DDHD2: variants seen among roughly 807,000 people sequenced by gnomAD.
DDHD2 encodes triacylglycerol hydrolase DDHD2.
Under a neutral mutation model 91.2 loss-of-function variants are expected in DDHD2, and 62 were observed. The ratio of observed to expected loss-of-function variants is 0.68; its 90% CI spans 0.55 to 0.84. DDHD2 has a LOEUF of 0.84. Among genes scored for constraint, DDHD2 ranks in the 40% least tolerant of loss-of-function variants. The pLI is 0.00. For missense variants in DDHD2, 740 were observed against 846.9 expected (o/e 0.87, Z 1.57); for synonymous variants, 271 against 293.9 (o/e 0.92, Z 0.80).
At chr8:38,240,749 T>C (rs1805190153) in intron 6 of DDHD2, among the ~76,000 whole-genome samples, 1 of 152,206 alleles carries the variant, frequency 6.6e-6, no homozygotes, top group East Asian at 1.9e-4. Flanking sequence ...AATTGGAGGA[T>C]TTAAGTCATT....
rs772486178 is a variant in DDHD2 at position 38,253,540 on chromosome 8, G to T, written c.1892-16G>T. 17 of 1,605,296 alleles carry T rather than the reference G, an allele frequency of 1.1e-5. No individual in the cohort carries two copies. The highest frequency in any genetic ancestry group is 1.0e-5 in the Non-Finnish European group (12 of 1,177,298). On this transcript the variant is annotated splice_polypyrimidine_tract_variant and intron_variant, in intron 15 of 17. Coordinates refer to ENST00000397166, the MANE Select transcript of DDHD2 (RefSeq NM_015214.3). ...CAAAAGGTTTTAGATTCTTATTATG[G>T]TTCTTCCATATCCAGATGTTAACAC... is the stretch of plus-strand genomic sequence containing the variant.
At chr8:38,234,052 A>G (rs1329291363) in intron 2 of DDHD2, among the ~76,000 whole-genome samples, 1 of 152,164 alleles carries the variant, frequency 6.6e-6, no homozygotes, top group East Asian at 1.9e-4. Context: ...TTTATACTGA[A>G]TCATCATGAT....
Position 38,260,039 on chromosome 8 carries a change from G to A in DDHD2, c.2055-1G>A. 6.2e-7 allele frequency: 1 copy of A among 1,602,808 alleles called. No homozygotes were observed. Among genetic ancestry groups the A allele is most frequent in the Non-Finnish European group, 8.5e-7 (1 of 1,170,108 alleles). Reference sequence around the variant, plus strand: ...CTCAACATAATTTTTTCTCTTTATAGGGAGTCTGAAGATACAGTATTGCTC... The same window carrying A: ...CTCAACATAATTTTTTCTCTTTATAAGGAGTCTGAAGATACAGTATTGCTC... On this transcript the variant is annotated splice_acceptor_variant, in intron 16 of 17. Coordinates refer to ENST00000397166, the MANE Select transcript of DDHD2 (RefSeq NM_015214.3). LOFTEE classifies it high-confidence loss of function.
intron 10 of DDHD2, 66 bp downstream of exon 10, chr8:38,247,901 A>G (rs1805771381): frequency 7.9e-7 from 1 of 1,263,100 alleles, no homozygotes; most frequent in East Asian, 2.6e-5. Flanking sequence ...CGTGTTTACT[A>G]AGAGCCTACC....
intron 7 of DDHD2, 37 bp downstream of exon 7, chr8:38,242,422 GA>G: frequency 6.3e-7 from 1 of 1,593,850 alleles, no homozygotes; most frequent in South Asian, 1.2e-5. Flanking sequence ...TGTTAGCTGT[GA>G]TTATATTTTC....
downstream of DDHD2, chr8:38,273,495 T>C (rs1425685082): frequency 6.6e-6 from 1 of 152,300 alleles, no homozygotes; most frequent in Admixed American, 6.5e-5. Flanking sequence ...AGTCTTTAGA[T>C]AGTAAATAGC....
intron 11 of DDHD2, 154 bp downstream of exon 11, chr8:38,249,957 C>T (rs1032068654): frequency 2.2e-6 from 1 of 450,822 alleles, no homozygotes; most frequent in South Asian, 2.5e-5. Flanking sequence ...CGCTCTGTCA[C>T]TCAGGCTGGA....
chr8:38,242,027 T>A, intron 6 of DDHD2: 2 of 406,624 alleles, frequency 4.9e-6, no homozygotes, highest in Non-Finnish European at 8.7e-6. Flanking sequence ...GCACCCCAGC[T>A]TGGGTTACAG....
intron 16 of DDHD2, among the ~76,000 whole-genome samples, chr8:38,258,914 T>C (rs1360303998): frequency 6.6e-6 from 1 of 152,204 alleles, no homozygotes; most frequent in Non-Finnish European, 1.5e-5. Context: ...AAATCAAATT[T>C]TGTTATGAAG....
intron 5 of DDHD2, chr8:38,238,768 A>C: frequency 1.3e-6 from 1 of 786,864 alleles, no homozygotes; most frequent in Non-Finnish European, 1.5e-6. Flanking sequence ...TACTAGATAA[A>C]AGTATTTTAT....
intron 16 of DDHD2, among the ~76,000 whole-genome samples, chr8:38,259,502 C>CA (rs1491403878): frequency 6.6e-6 from 1 of 152,112 alleles, no homozygotes; most frequent in Non-Finnish European, 1.5e-5. Context: ...TCTTCTGCCT[C>CA]AGTCTCCCCA....
chr8:38,264,694 A>G (rs1195756235), downstream of DDHD2: 4 of 1,436,276 alleles, frequency 2.8e-6, no homozygotes, highest in South Asian at 3.0e-5. Context: ...GCCCTCCAGG[A>G]TACTCTACTG....
At chr8:38,269,177 A>ACCGCCG (rs897503129) in intron 1 of DDHD2, 7 of 1,505,046 alleles carry the variant, frequency 4.7e-6, no homozygotes, top group Non-Finnish European at 6.2e-6. Flanking sequence ...CCCAAAGGCC[A>ACCGCCG]CCGCCGCCGC....
downstream of DDHD2, chr8:38,264,206 G>A: frequency 1.0e-6 from 1 of 969,316 alleles, no homozygotes; most frequent in Non-Finnish European, 1.3e-6. Context: ...GGAGTGCAGT[G>A]GTGCGATCTC....
At chr8:38,237,118 G>A (rs934705514) in intron 3 of DDHD2, among the ~76,000 whole-genome samples, 4 of 152,172 alleles carry the variant, frequency 2.6e-5, no homozygotes, top group Middle Eastern at 3.4e-3. Context: ...GCTCATGCTT[G>A]TAATCCCAGC....
At chr8:38,264,748 A>G (rs1045242078), downstream of DDHD2, 200 of 1,450,090 alleles carry the variant, frequency 1.4e-4, no homozygotes, top group East Asian at 4.9e-3. Context: ...ATTTCTAAAT[A>G]AAATCTTTTT....
At chr8:38,244,417 A>G (rs1805466520) in intron 7 of DDHD2, among the ~76,000 whole-genome samples, 1 of 150,832 alleles carries the variant, frequency 6.6e-6, no homozygotes, top group Non-Finnish European at 1.5e-5. Flanking sequence ...CATGCGCCAC[A>G]ATGCCCAGCT....
Position 38,260,050 on chromosome 8 carries a change from G to A in DDHD2, c.2065G>A (p.Asp689Asn). Residue 689 changes from aspartate to asparagine, a missense_variant, in exon 17 of 18, where the codon GAT (aspartate) becomes AAT (asparagine). By Grantham distance (23) the Asp-to-Asn change is conservative. This residue lies in a region of DDHD2 where 47 missense variants were observed against 82.6 expected (regional missense o/e 0.57). Transcript: ENST00000397166. ...QSHLCYWESE[D>N]TVLLVLKEIY... ...TTTTTCTCTTTATAGGGAGTCTGAA[G>A]ATACAGTATTGCTCGTCCTCAAAGA... 1 of 1,611,054 alleles carries A rather than the reference G, an allele frequency of 6.2e-7. No homozygotes were observed. The highest frequency in any genetic ancestry group is 8.5e-7 in the Non-Finnish European group (1 of 1,177,314).
chr8:38,260,895 T>G lies in DDHD2; in HGVS notation c.*322T>G, dbSNP rs1806970389. 6.6e-6 allele frequency: 1 copy of G among 152,240 alleles called. No homozygotes were observed. Among genetic ancestry groups the G allele is most frequent in the Non-Finnish European group, 1.5e-5 (1 of 68,038 alleles). 9.4% of individuals were successfully genotyped at this position (152,240 alleles called of 1,614,324 possible). A position where few individuals can be genotyped will look rare whatever the true frequency, so the allele number is the denominator to read the frequency against. ...CTTTATTGATTAGTACTTGACAGGG[T>G]GTAAAGCCTATTTTGGGTTTGATTT... On this transcript the variant is annotated 3_prime_UTR_variant, in exon 18 of 18. Coordinates refer to ENST00000397166, the MANE Select transcript of DDHD2 (RefSeq NM_015214.3).
Sources: allele counts gnomAD v4.1 joint callset (sites outside exome capture counted in the v4.1 genomes callset), GRCh38; gene constraint gnomAD v4.1.1; regional missense constraint gnomAD v4.1.1; transcripts MANE v1.5; gene names NCBI Gene and HGNC (gene_info 2026-07-23, HGNC 2026-07-21).